ASCC3: variants seen among roughly 807,000 people sequenced by gnomAD.
The protein encoded by ASCC3 is ASC-1 complex subunit P200.
In ASCC3, 158 loss-of-function variants were observed where a neutral mutation model predicts 256.3. That is an observed-to-expected ratio of 0.62 (90% CI 0.54 to 0.70). The LOEUF is 0.70. Ranked by LOEUF, ASCC3 falls within the 30% of genes least tolerant of loss-of-function variation. The pLI is 0.00. For missense variants in ASCC3, 2,259 were observed against 2,626.0 expected (o/e 0.86, Z 3.05); for synonymous variants, 948 against 883.4 (o/e 1.07, Z -1.30).
At chr6:100,642,360 G>T (rs1375323730) in intron 24 of ASCC3, among the ~76,000 whole-genome samples, 1 of 151,988 alleles carries the variant, frequency 6.6e-6, no homozygotes, top group Non-Finnish European at 1.5e-5. Flanking sequence ...TAACATACTA[G>T]AAATAAGTTT....
At chr6:100,732,251 T>C (rs991192618) in intron 10 of ASCC3, among the ~76,000 whole-genome samples, 33 of 151,848 alleles carry the variant, frequency 2.2e-4, no homozygotes, top group African/African-American at 7.3e-4. Context: ...AAATGTATTC[T>C]GCAGTTCTCC....
intron 36 of ASCC3, among the ~76,000 whole-genome samples, chr6:100,555,872 T>A (rs993577486): frequency 6.6e-6 from 1 of 152,068 alleles, no homozygotes; most frequent in African/African-American, 2.4e-5. Context: ...GGCACAAGCC[T>A]GTGGTCCCAG....
intron 3 of ASCC3, among the ~76,000 whole-genome samples, chr6:100,859,543 A>G (rs1033094054): frequency 1.3e-5 from 2 of 151,982 alleles, no homozygotes; most frequent in African/African-American, 4.8e-5. Flanking sequence ...CTATCTTTTT[A>G]TACTTCCTAT....
intron 33 of ASCC3, 51 bp from the exon 34 acceptor site, chr6:100,601,986 C>T: frequency 6.3e-7 from 1 of 1,590,364 alleles, no homozygotes; most frequent in Admixed American, 1.7e-5. Context: ...AAACTAAAAA[C>T]ACTGAAATTT....
chr6:100,525,602 T>G (rs986260378), intron 37 of ASCC3, among the ~76,000 whole-genome samples: 2 of 152,002 alleles, frequency 1.3e-5, no homozygotes, highest in Non-Finnish European at 2.9e-5. Context: ...GAAAAAAATT[T>G]TAAAAAGAAA....
chr6:100,869,074 C>T (rs1423977923), intron 1 of ASCC3, among the ~76,000 whole-genome samples: 1 of 152,178 alleles, frequency 6.6e-6, no homozygotes, highest in Non-Finnish European at 1.5e-5. Flanking sequence ...GTCTTTAAAA[C>T]ATCCCAGCTA....
At chr6:100,542,589 G>C (rs1441395151) in intron 36 of ASCC3, among the ~76,000 whole-genome samples, 1 of 152,056 alleles carries the variant, frequency 6.6e-6, no homozygotes, top group East Asian at 1.9e-4. Context: ...GACTGAAGCA[G>C]GAGAATCGCT....
intron 13 of ASCC3, among the ~76,000 whole-genome samples, chr6:100,690,822 C>T (rs1407971831): frequency 6.6e-6 from 1 of 152,126 alleles, no homozygotes; most frequent in Non-Finnish European, 1.5e-5. Context: ...CTTGGCAGTT[C>T]AGAGCCAGCT....
chr6:100,655,614 G>A (rs1455668223), intron 17 of ASCC3, 85 bp downstream of exon 17: 2 of 1,486,152 alleles, frequency 1.3e-6, no homozygotes, highest in African/African-American at 2.8e-5. Context: ...GATGAGGCAA[G>A]AGCAGCAAAC....
chr6:100,768,429 C>G (rs1257129225), intron 8 of ASCC3, among the ~76,000 whole-genome samples: 3 of 152,034 alleles, frequency 2.0e-5, no homozygotes, highest in Non-Finnish European at 2.9e-5. Flanking sequence ...CTTGGAATGG[C>G]TATATTAATG....
At chr6:100,598,464 T>C (rs1772430006) in intron 34 of ASCC3, among the ~76,000 whole-genome samples, 1 of 136,724 alleles carries the variant, frequency 7.3e-6, no homozygotes, top group African/African-American at 2.7e-5. Context: ...CTCACTATAA[T>C]TTCTGTAATT....
At chr6:100,744,655 A>G (rs866785524) in intron 10 of ASCC3, among the ~76,000 whole-genome samples, 5 of 152,162 alleles carry the variant, frequency 3.3e-5, no homozygotes, top group Non-Finnish European at 4.4e-5. Flanking sequence ...CAGAGTTTTT[A>G]CTAGCTATTA....
chr6:100,512,672 G>T, intron 40 of ASCC3, 37 bp downstream of exon 40: 1 of 1,586,614 alleles, frequency 6.3e-7, no homozygotes, highest in Non-Finnish European at 8.7e-7. Flanking sequence ...CTGGTATTTG[G>T]TGTGAAATAT....
chr6:100,636,933 T>G (rs951528180), intron 25 of ASCC3, among the ~76,000 whole-genome samples: 1 of 152,116 alleles, frequency 6.6e-6, no homozygotes, highest in Non-Finnish European at 1.5e-5. Context: ...TTCACCTCTA[T>G]GAAGTGCCAG....
At chr6:100,843,585 C>T (rs1343620365) in intron 4 of ASCC3, among the ~76,000 whole-genome samples, 6 of 152,124 alleles carry the variant, frequency 3.9e-5, no homozygotes, top group East Asian at 3.9e-4. Flanking sequence ...TACTTCAATA[C>T]ATCTCCAATA....
chr6:100,713,675 C>A (rs1475538654), intron 13 of ASCC3, among the ~76,000 whole-genome samples: 1 of 151,998 alleles, frequency 6.6e-6, no homozygotes, highest in African/African-American at 2.4e-5. Context: ...ACTCTACTTT[C>A]CATTCAATTT....
chr6:100,639,419 G>A (rs940385680), intron 24 of ASCC3, among the ~76,000 whole-genome samples: 6 of 152,148 alleles, frequency 3.9e-5, no homozygotes, highest in African/African-American at 1.4e-4. Context: ...GGGAGGCCTA[G>A]GGAATTAGAA....
Position 100,757,756 on chromosome 6 carries a change from T to C in ASCC3, c.1737+8809A>G, listed in dbSNP as rs577028353. Among the ~76,000 whole-genome samples the C allele has an allele frequency of 2.6e-5, 4 of 152,256 alleles. No individual in the cohort carries two copies. In the South Asian group the frequency reaches 6.2e-4, roughly 24 times the overall value. On this transcript the variant is annotated intron_variant, in intron 10 of 41. Coordinates refer to ENST00000369162, the MANE Select transcript of ASCC3 (RefSeq NM_006828.4). Reference sequence around the variant, plus strand: ...AAGTGAAAAAAGAAGTAGGACTGGATAGGGACATCAGGAAAGAGCTGGCAG... The same window carrying C: ...AAGTGAAAAAAGAAGTAGGACTGGACAGGGACATCAGGAAAGAGCTGGCAG...
chr6:100,689,000 T>A (rs1296599095), intron 13 of ASCC3, among the ~76,000 whole-genome samples: 1 of 152,218 alleles, frequency 6.6e-6, no homozygotes, highest in African/African-American at 2.4e-5. Flanking sequence ...GTTATCTCTC[T>A]GAACTCTTCC....
Sources: allele counts gnomAD v4.1 joint callset (sites outside exome capture counted in the v4.1 genomes callset), GRCh38; gene constraint gnomAD v4.1.1; transcripts MANE v1.5; gene names NCBI Gene and HGNC (gene_info 2026-07-23, HGNC 2026-07-21).